ANK1: variants seen among roughly 807,000 people sequenced by gnomAD.
ANK1 encodes ankyrin-1.
In ANK1, 51 loss-of-function variants were observed where a neutral mutation model predicts 210.4. The observed-to-expected ratio is 0.24, with a 90% confidence interval of 0.19 to 0.31. The LOEUF (loss-of-function observed/expected upper bound fraction) is 0.31. Ranked by LOEUF, ANK1 falls within the 10% of genes least tolerant of loss-of-function variation. ANK1 has a pLI of 1.00. For synonymous variants in ANK1, 967 were observed against 1,025.9 expected, an observed-to-expected ratio of 0.94 and a Z score of 1.10; for missense variants, 2,051 against 2,504.4, an observed-to-expected ratio of 0.82 and a Z score of 3.86.
intron 1 of ANK1, among the ~76,000 whole-genome samples, chr8:41,834,170 C>G (rs1303807267): frequency 6.6e-6 from 1 of 152,204 alleles, no homozygotes; most frequent in Non-Finnish European, 1.5e-5. Flanking sequence ...TTGGAAAGGT[C>G]ACTCCAGCAG....
intron 1 of ANK1, among the ~76,000 whole-genome samples, chr8:41,826,432 C>T (rs1805385094): frequency 6.6e-6 from 1 of 152,098 alleles, no homozygotes; most frequent in African/African-American, 2.4e-5. Context: ...ACAGCCTACA[C>T]CACCCACTCC....
intron 9 of ANK1, among the ~76,000 whole-genome samples, 180 bp from the exon 10 acceptor site, chr8:41,720,038 T>C (rs1828850471): frequency 6.6e-6 from 1 of 152,104 alleles, no homozygotes; most frequent in South Asian, 2.1e-4. Flanking sequence ...ACAGACATTC[T>C]CCTTTCCACC....
chr8:41,799,417 G>A (rs1267998605), upstream of ANK1, among the ~76,000 whole-genome samples: 3 of 152,138 alleles, frequency 2.0e-5, no homozygotes, highest in Non-Finnish European at 2.9e-5. Context: ...CTTCTGGAAC[G>A]AACCCGTGGT....
intron 1 of ANK1, among the ~76,000 whole-genome samples, chr8:41,848,791 T>C (rs112871834): frequency 7.2e-5 from 11 of 152,332 alleles, no homozygotes; most frequent in African/African-American, 2.2e-4. Flanking sequence ...CAGCCTGGTA[T>C]TGGTATCCGC....
chr8:41,857,477 G>A (rs938563101), intron 1 of ANK1, among the ~76,000 whole-genome samples: 17 of 151,854 alleles, frequency 1.1e-4, no homozygotes, highest in Admixed American at 7.9e-4. Flanking sequence ...AGTGGCTCAC[G>A]CCTGTAATCC....
At chr8:41,698,587 T>C (rs540033575) in intron 23 of ANK1, among the ~76,000 whole-genome samples, 40 of 152,222 alleles carry the variant, frequency 2.6e-4, no homozygotes, top group African/African-American at 9.6e-4. Context: ...ACAAAGTCGT[T>C]GATATTAGAT....
chr8:41,741,752 A>T (rs1834850101), intron 2 of ANK1, among the ~76,000 whole-genome samples: 1 of 152,092 alleles, frequency 6.6e-6, no homozygotes, highest in East Asian at 1.9e-4. Flanking sequence ...TTCAGGAAAA[A>T]ATGATCACTT....
chr8:41,733,401 T>C (rs1832693211), intron 3 of ANK1, among the ~76,000 whole-genome samples: 1 of 152,224 alleles, frequency 6.6e-6, no homozygotes, highest in African/African-American at 2.4e-5. Flanking sequence ...TATTTATTGA[T>C]TCCTTACTAC....
At chr8:41,873,522 A>G (rs1815964073) in intron 1 of ANK1, among the ~76,000 whole-genome samples, 1 of 152,250 alleles carries the variant, frequency 6.6e-6, no homozygotes, top group Non-Finnish European at 1.5e-5. Flanking sequence ...AGGGTTAACC[A>G]GGCTGTGGTT....
chr8:41,861,760 G>T (rs1813309817), intron 1 of ANK1, among the ~76,000 whole-genome samples: 1 of 152,248 alleles, frequency 6.6e-6, no homozygotes, highest in Admixed American at 6.5e-5. Flanking sequence ...AGGTATCTGG[G>T]AGGACCCAAG....
At chr8:41,842,878 C>T (rs1443328780) in intron 1 of ANK1, among the ~76,000 whole-genome samples, 3 of 152,094 alleles carry the variant, frequency 2.0e-5, no homozygotes, top group African/African-American at 7.2e-5. Flanking sequence ...GACGGATCTC[C>T]TTCTGTCGCC....
At chr8:41,780,267 C>T (rs1277103485) in intron 1 of ANK1, among the ~76,000 whole-genome samples, 2 of 152,126 alleles carry the variant, frequency 1.3e-5, no homozygotes, top group African/African-American at 2.4e-5. Flanking sequence ...TCAAGCAATC[C>T]GACCACCTCA....
intron 1 of ANK1, among the ~76,000 whole-genome samples, chr8:41,893,453 G>C (rs1324426755): frequency 6.6e-6 from 1 of 152,164 alleles, no homozygotes; most frequent in Non-Finnish European, 1.5e-5. Context: ...TTCTATCTGT[G>C]TCAGTCAGTG....
At chr8:41,658,436 C>A (rs1481462214) in intron 42 of ANK1, among the ~76,000 whole-genome samples, 2 of 152,216 alleles carry the variant, frequency 1.3e-5, no homozygotes, top group Non-Finnish European at 2.9e-5. Flanking sequence ...TCGAAAGGGA[C>A]ATTTTCATCC....
intron 38 of ANK1, among the ~76,000 whole-genome samples, chr8:41,670,621 A>G (rs995397942): frequency 6.6e-6 from 1 of 152,198 alleles, no homozygotes. Context: ...TCAACTTCCA[A>G]ACGACTTCCT....
chr8:41,710,846 G>C (rs1037097847), intron 16 of ANK1, among the ~76,000 whole-genome samples: 1 of 152,216 alleles, frequency 6.6e-6, no homozygotes, highest in Admixed American at 6.5e-5. Context: ...GCTGGCCAAG[G>C]CAGTCAAAGC....
intron 1 of ANK1, among the ~76,000 whole-genome samples, chr8:41,836,088 C>T (rs1320571796): frequency 6.6e-6 from 1 of 152,214 alleles, no homozygotes; most frequent in Non-Finnish European, 1.5e-5. Flanking sequence ...CCCTGGAACT[C>T]TCAGGGACGA....
intron 3 of ANK1, among the ~76,000 whole-genome samples, chr8:41,731,066 A>G (rs1832066374): frequency 6.6e-6 from 1 of 152,220 alleles, no homozygotes; most frequent in South Asian, 2.1e-4. Flanking sequence ...CAACGGTAGC[A>G]TAAGTGAGGA....
At chr8:41,665,608 C>T in intron 39 of ANK1, 1 of 283,426 alleles carries the variant, frequency 3.5e-6, no homozygotes, top group South Asian at 3.5e-5. Flanking sequence ...GATCCAAATG[C>T]TGTTCCCCGG....
Sources: allele counts gnomAD v4.1 joint callset (sites outside exome capture counted in the v4.1 genomes callset), GRCh38; gene constraint gnomAD v4.1.1; transcripts MANE v1.5; gene names NCBI Gene and HGNC (gene_info 2026-07-23, HGNC 2026-07-21).